ATP10B: variants seen among roughly 807,000 people sequenced by gnomAD.
The protein encoded by ATP10B is phospholipid-transporting ATPase VB.
In ATP10B, 122 loss-of-function variants were observed where a neutral mutation model predicts 141.2. That is an observed-to-expected ratio of 0.86 (90% confidence interval 0.75 to 1.00). The LOEUF is 1.00. Among genes scored for constraint, ATP10B ranks in the 50% least tolerant of loss-of-function variants. The pLI is 0.00. For missense variants in ATP10B, 1,876 were observed against 1,825.3 expected (o/e 1.03, Z -0.51); for synonymous variants, 685 against 692.0 (o/e 0.99, Z 0.16).
At chr5:160,585,764 G>A (rs1179290165) in intron 24 of ATP10B, among the ~76,000 whole-genome samples, 1 of 152,190 alleles carries the variant, frequency 6.6e-6, no homozygotes, top group Non-Finnish European at 1.5e-5. Context: ...GCCATGATCT[G>A]TGTCCTGTCC....
the ATP10B span, among the ~76,000 whole-genome samples, chr5:160,867,771 T>C: frequency 6.6e-6 from 1 of 152,142 alleles, no homozygotes; most frequent in Non-Finnish European, 1.5e-5. Context: ...ATTAGAAGTT[T>C]TAACTGTGGA....
At chr5:160,890,341 G>A in the ATP10B span, among the ~76,000 whole-genome samples, 9 of 152,170 alleles carry the variant, frequency 5.9e-5, no homozygotes, top group South Asian at 2.1e-4. Flanking sequence ...TGTACAAATC[G>A]TGGCATTTAG....
At chr5:160,874,924 T>C in the ATP10B span, among the ~76,000 whole-genome samples, 1 of 142,070 alleles carries the variant, frequency 7.0e-6, no homozygotes, top group African/African-American at 2.6e-5. Flanking sequence ...TACCTGAAAG[T>C]GATGGGGAGA....
chr5:160,792,370 G>T (rs953727194), intron 1 of ATP10B, among the ~76,000 whole-genome samples: 2 of 152,046 alleles, frequency 1.3e-5, no homozygotes, highest in Non-Finnish European at 2.9e-5. Context: ...CCTCTTCCTG[G>T]ATCTAAGTGT....
chr5:160,631,731 C>T (rs1223536728), intron 13 of ATP10B, among the ~76,000 whole-genome samples: 1 of 152,168 alleles, frequency 6.6e-6, no homozygotes, highest in Non-Finnish European at 1.5e-5. Context: ...GTTGCCTCCA[C>T]CTCAGTGACG....
intron 6 of ATP10B, 146 bp from the exon 7 acceptor site, chr5:160,670,813 A>G (rs1762644487): frequency 1.5e-6 from 1 of 665,164 alleles, no homozygotes; most frequent in South Asian, 1.8e-5. Flanking sequence ...TTACCCCTGA[A>G]TGACCACCTC....
At chr5:160,791,718 T>A (rs1024523008) in intron 1 of ATP10B, among the ~76,000 whole-genome samples, 1 of 152,162 alleles carries the variant, frequency 6.6e-6, no homozygotes, top group African/African-American at 2.4e-5. Context: ...TTATGATACT[T>A]GCACTTCTAC....
the ATP10B span, among the ~76,000 whole-genome samples, chr5:160,860,335 T>C: frequency 6.6e-6 from 1 of 151,990 alleles, no homozygotes; most frequent in Non-Finnish European, 1.5e-5. Context: ...AATTAGAGAA[T>C]ATCTAGTAAA....
intron 2 of ATP10B, among the ~76,000 whole-genome samples, chr5:160,751,135 C>T (rs916223709): frequency 2.0e-5 from 3 of 152,216 alleles, no homozygotes; most frequent in Non-Finnish European, 1.5e-5. Context: ...ACAGCATGTG[C>T]ATTATTAAGC....
intron 21 of ATP10B, 86 bp from the exon 22 acceptor site, chr5:160,599,056 G>T: frequency 7.8e-7 from 1 of 1,275,874 alleles, no homozygotes; most frequent in Non-Finnish European, 1.1e-6. Flanking sequence ...GGAGCTGCTG[G>T]AGTGGCAGTT....
chr5:160,686,158 T>C lies in ATP10B; in HGVS notation c.391A>G (p.Ile131Val), dbSNP rs777003578. The change falls in exon 6 of 26, where the codon ATC becomes GTC. Residue 131 changes from isoleucine to valine, a missense_variant. Coordinates refer to ENST00000327245, the MANE Select transcript of ATP10B (RefSeq NM_025153.3). ...PLAIVLFVIM[I>V]KDGMEDFKRH... ...TTGAAGTCCTCCATGCCATCCTTGA[T>C]CATGATGACGAACAGGACAATGGCC... 6.8e-6 allele frequency: 11 copies of C among 1,613,296 alleles called. No homozygotes were observed. The highest frequency in any genetic ancestry group is 2.2e-5 in the East Asian group (1 of 44,850).
chr5:160,706,683 T>C (rs1765033008), intron 3 of ATP10B, among the ~76,000 whole-genome samples: 1 of 152,050 alleles, frequency 6.6e-6, no homozygotes, highest in African/African-American at 2.4e-5. Flanking sequence ...ATACAGAGAG[T>C]TCCTTTACCT....
chr5:160,878,782 G>T, the ATP10B span, among the ~76,000 whole-genome samples: 14 of 151,494 alleles, frequency 9.2e-5, no homozygotes, highest in Admixed American at 9.2e-4. Context: ...AACACATGAA[G>T]AAATGCTCAT....
chr5:160,811,045 A>G (rs1220991469), intron 1 of ATP10B, among the ~76,000 whole-genome samples: 2 of 152,190 alleles, frequency 1.3e-5, no homozygotes, highest in African/African-American at 2.4e-5. Context: ...CAGCTCTCAG[A>G]TGACATTTCT....
chr5:160,705,877 T>A (rs1398737883), intron 3 of ATP10B, among the ~76,000 whole-genome samples: 1 of 152,258 alleles, frequency 6.6e-6, no homozygotes, highest in African/African-American at 2.4e-5. Flanking sequence ...TCATGAAGGT[T>A]AATCATTTTC....
At chr5:160,894,020 C>T in the ATP10B span, among the ~76,000 whole-genome samples, 279 of 152,224 alleles carry the variant, frequency 1.8e-3, no homozygotes, top group African/African-American at 6.6e-3. Context: ...AGGACGTCCA[C>T]ACAAAAACCC....
intron 2 of ATP10B, among the ~76,000 whole-genome samples, chr5:160,774,828 G>A (rs868607709): frequency 8.5e-5 from 13 of 152,182 alleles, no homozygotes; most frequent in Middle Eastern, 3.2e-3. Context: ...TCTGCAGGGG[G>A]CCTCTCTTTT....
the ATP10B span, among the ~76,000 whole-genome samples, chr5:160,878,641 C>T: frequency 6.6e-6 from 1 of 152,132 alleles, no homozygotes; most frequent in South Asian, 2.1e-4. Flanking sequence ...ACTCATCTGA[C>T]AAAGGGCTAA....
chr5:160,648,853 A>G lies in ATP10B; in HGVS notation c.761+318T>C, dbSNP rs975961054. On this transcript the variant is annotated intron_variant, in intron 8 of 25. Transcript: ENST00000327245. ...ACAATGCAATATAGGCACTTAAAAAATTGATCTTAATTAAATCATATTCAC... is the reference window on the plus strand; with the variant it reads ...ACAATGCAATATAGGCACTTAAAAAGTTGATCTTAATTAAATCATATTCAC... Among the ~76,000 whole-genome samples, 4 of 151,854 alleles carry G rather than the reference A, an allele frequency of 2.6e-5. No homozygotes were observed. In the South Asian group the frequency reaches 6.3e-4, roughly 24 times the overall value.
Sources: gnomAD v4.1 joint callset for allele counts (sites outside exome capture counted in the v4.1 genomes callset) on GRCh38, gnomAD v4.1.1 for gene constraint, MANE v1.5 for transcripts, NCBI Gene and HGNC (gene_info 2026-07-23, HGNC 2026-07-21) for gene names.